The following BUD13 variants were observed in gnomAD, a reference collection of about 807,000 sequenced individuals.
BUD13 encodes the protein BUD13 homolog.
A neutral mutation model predicts 62.5 loss-of-function variants in BUD13; 47 were observed. The ratio of observed to expected loss-of-function variants is 0.75; its 90% CI spans 0.60 to 0.96. BUD13 has a LOEUF of 0.96. Among genes scored for constraint, BUD13 ranks in the 40% least tolerant of loss-of-function variants. The probability of loss-of-function intolerance (pLI) is 0.00; values close to 1 mark genes in which losing one functional copy is unlikely to be tolerated. For missense variants in BUD13, 821 were observed against 790.9 expected (o/e 1.04, Z -0.46); for synonymous variants, 293 against 280.1 (o/e 1.05, Z -0.46).
chr11:116,752,379 T>C (rs937252446), intron 9 of BUD13, among the ~76,000 whole-genome samples: 4 of 151,224 alleles, frequency 2.6e-5, no homozygotes, highest in East Asian at 3.9e-4. Context: ...TGATGAAAGA[T>C]GAATAACAAA....
chr11:116,766,196 T>C lies in BUD13; in HGVS notation c.238-750A>G, dbSNP rs2134182815. On this transcript the variant is annotated intron_variant, in intron 2 of 9. Transcript: ENST00000260210. Reference sequence around the variant, plus strand: ...TGATGTAAGTCCACATGACAAACTTTCAAGATTGCTGGCATAATAAATCCT... The same window carrying C: ...TGATGTAAGTCCACATGACAAACTTCCAAGATTGCTGGCATAATAAATCCT... Among the ~76,000 whole-genome samples the C allele has an allele frequency of 2.0e-5, 3 of 152,362 alleles. No individual in the cohort carries two copies. In the East Asian group the frequency reaches 5.8e-4, roughly 29 times the overall value.
Position 116,762,937 on chromosome 11 carries a change from C to T in BUD13, c.652G>A (p.Val218Ile). 6.2e-7 allele frequency: 1 copy of T among 1,614,054 alleles called. No individual in the cohort carries two copies. Among genetic ancestry groups the T allele is most frequent in the South Asian group, 1.1e-5 (1 of 91,072 alleles). Residue 218 changes from valine to isoleucine, a missense_variant, in exon 4 of 10, where the codon GTC becomes ATC. This residue lies in a region of BUD13 where 800 missense variants were observed against 739.2 expected (regional missense o/e 1.08). Coordinates refer to ENST00000260210, the MANE Select transcript of BUD13 (RefSeq NM_032725.4). ...HNSSGASPRR[V>I]RHDSPDPSPP... ...GAGGGATCTGGTGAATCATGACGGA[C>T]TCTCCTAGGAGATGCACCTGAAGAA...
At chr11:116,759,229 T>C (rs371360909) in intron 5 of BUD13, 50 bp from the exon 6 acceptor site, 38 of 1,324,560 alleles carry the variant, frequency 2.9e-5, no homozygotes, top group Non-Finnish European at 4.0e-5. Context: ...GATGTGACAG[T>C]AGGCTCCATG....
At chr11:116,748,714 A>G (rs921734707) in intron 9 of BUD13, 139 bp from the exon 10 acceptor site, 95 of 862,988 alleles carry the variant, frequency 1.1e-4, no homozygotes, top group Non-Finnish European at 1.6e-4. Flanking sequence ...ATGGCCGGGC[A>G]CGGCGGCTCA....
rs147057797 is a variant in BUD13, at chr11:116,763,797, A to G, written c.323-531T>C. Among the ~76,000 whole-genome samples, 517 of 152,356 alleles carry G rather than the reference A, an allele frequency of 3.4e-3. 3 individuals are homozygous for G. Among genetic ancestry groups the G allele is most frequent in the African/African-American group, 0.012 (493 of 41,582 alleles). On this transcript the variant is annotated intron_variant, in intron 3 of 9. Transcript: ENST00000260210. ...AGGTAAATTGACTAAAACGGTGAAT[A>G]TCAAAATAAAATGCTGTTAACTATT...
At chr11:116,766,893 T>G (rs540320428) in intron 2 of BUD13, among the ~76,000 whole-genome samples, 2 of 152,274 alleles carry the variant, frequency 1.3e-5, no homozygotes, top group South Asian at 4.1e-4. Flanking sequence ...AAGACAATAT[T>G]ATAAAAGAAA....
At chr11:116,772,017 A>G (rs943694322) in intron 1 of BUD13, among the ~76,000 whole-genome samples, 10 of 152,176 alleles carry the variant, frequency 6.6e-5, no homozygotes, top group Admixed American at 5.9e-4. Flanking sequence ...ATCCAATCCA[A>G]TCTCAGCCTT....
chr11:116,772,843 G>C lies in BUD13; in HGVS notation c.122C>G (p.Pro41Arg). 6.3e-7 allele frequency: 1 copy of C among 1,584,678 alleles called. No homozygotes were observed. The highest frequency in any genetic ancestry group is 1.7e-5 in the Admixed American group (1 of 57,996). The change falls in exon 1 of 10, where the codon CCT becomes CGT. Residue 41 changes from proline to arginine, a missense_variant. Physicochemically the swap from Pro to Arg is moderately radical, Grantham distance 103 (BLOSUM62 -2). Coordinates refer to ENST00000260210, the MANE Select transcript of BUD13 (RefSeq NM_032725.4). The part of the protein sequence containing the change: ...GRKRRKKRPK[P>R]GGAGGKGMRI... ...TCACCCCTTGCCGCCGGCCCCGCCA[G>C]GCTTCGGCCGCTTTTTGCGACGCTT...
At position 116,770,700 on chromosome 11, in the gene BUD13, TAGTC is replaced by T. The variant is rs560073843; in HGVS notation, c.144-482_144-479del. Among the ~76,000 whole-genome samples the T allele has an allele frequency of 5.7e-4, 87 of 152,302 alleles. 1 individual carries two copies. The South Asian group carries it at 6.8e-3, about 12-fold the overall frequency. On this transcript the variant is annotated intron_variant, in intron 1 of 9. Coordinates refer to ENST00000260210, the MANE Select transcript of BUD13 (RefSeq NM_032725.4). ...TAGTAGAGACGGGGTTTCACCGTGT[TAGTC>T]AGGATGGTCTCGATCTCCTGACCTC...
In BUD13 at chr11:116,758,312, T is replaced by C; in HGVS notation, c.1456A>G (p.Lys486Glu). The change falls in exon 7 of 10, where the codon AAG becomes GAG. Residue 486 changes from lysine (K) to glutamate (E), a missense_variant. By Grantham distance (56) the Lys-to-Glu change is moderately conservative (BLOSUM62 1). Transcript: ENST00000260210. ...ERLEQRRKAE[K>E]DSERDELYAQ... ...TACAGCTCATCTCTCTCTGAGTCCTTTTCTGCTTTCCTCCTTTGCTCTAAA... is the reference window on the plus strand; with the variant it reads ...TACAGCTCATCTCTCTCTGAGTCCTCTTCTGCTTTCCTCCTTTGCTCTAAA... The C allele has an allele frequency of 6.2e-7, 1 of 1,614,226 alleles. No homozygotes were observed.
At chr11:116,757,249 A>G (rs1201336237) in intron 8 of BUD13, 22 bp from the exon 9 acceptor site, 2 of 1,599,142 alleles carry the variant, frequency 1.3e-6, no homozygotes, top group Non-Finnish European at 1.7e-6. Flanking sequence ...AGTAAGAAAA[A>G]AGTATTCAGT....
chr11:116,767,139 G>C (rs1388402943), intron 2 of BUD13, among the ~76,000 whole-genome samples: 2 of 151,432 alleles, frequency 1.3e-5, no homozygotes, highest in African/African-American at 2.4e-5. Context: ...AGTGAGCCAA[G>C]ATTGAGCCAC....
At chr11:116,767,591 A>AAAAAAAAAAAAAAAAAAAAAC (rs1940553940) in intron 2 of BUD13, among the ~76,000 whole-genome samples, 2 of 26,906 alleles carry the variant, frequency 7.4e-5, no homozygotes, top group African/African-American at 3.9e-4. Context: ...AGACTCCACC[A>AAAAAAAAAAAAAAAAAAAAAC]AAAAAAAAAA....
chr11:116,770,487 C>A (rs1940607018), intron 1 of BUD13, among the ~76,000 whole-genome samples: 1 of 151,580 alleles, frequency 6.6e-6, no homozygotes. Flanking sequence ...CTACTCTTTT[C>A]AATCTTTTTC....
At position 116,757,839 on chromosome 11, in the gene BUD13, T is replaced by C. The variant is rs2134175267; in HGVS notation, c.1611A>G (p.Glu537=). The C allele has an allele frequency of 6.2e-7, 1 of 1,614,172 alleles. No homozygotes were observed. The highest frequency in any genetic ancestry group is 8.5e-7 in the Non-Finnish European group (1 of 1,180,024). ...CCATAGGGTCCCCCTCTCTTTCCTG[T>C]TCTCTTAGCATCCTATCCAGATCTT... ...DDEDLDRMLR[E]QEREGDPMAN... Residue 537 remains glutamate, a synonymous_variant, in exon 8 of 10, where the codon GAA becomes GAG. Coordinates refer to ENST00000260210, the MANE Select transcript of BUD13 (RefSeq NM_032725.4).
chr11:116,762,505 A>C, intron 4 of BUD13, 48 bp downstream of exon 4: 1 of 1,434,752 alleles, frequency 7.0e-7, no homozygotes, highest in East Asian at 2.3e-5. Flanking sequence ...GCCAAAAGAA[A>C]GCTCCCAGGG....
intron 9 of BUD13, among the ~76,000 whole-genome samples, chr11:116,750,677 T>C (rs1940217007): frequency 6.6e-6 from 1 of 152,234 alleles, no homozygotes; most frequent in Admixed American, 6.5e-5. Flanking sequence ...AAAAGCCTTG[T>C]ATCTGTTCTA....
intron 5 of BUD13, among the ~76,000 whole-genome samples, chr11:116,759,650 A>T (rs954768732): frequency 6.6e-6 from 1 of 152,272 alleles, no homozygotes; most frequent in Non-Finnish European, 1.5e-5. Flanking sequence ...TCCACTTAGC[A>T]TCAAGATAGC....
At chr11:116,754,644 T>TG (rs1940294565) in intron 9 of BUD13, among the ~76,000 whole-genome samples, 1 of 152,194 alleles carries the variant, frequency 6.6e-6, no homozygotes, top group African/African-American at 2.4e-5. Context: ...AATAAATGTG[T>TG]TGTAAAAACT....
Sources: allele counts gnomAD v4.1 joint callset (sites outside exome capture counted in the v4.1 genomes callset), GRCh38; gene constraint gnomAD v4.1.1; regional missense constraint gnomAD v4.1.1; transcripts MANE v1.5; gene names NCBI Gene and HGNC (gene_info 2026-07-23, HGNC 2026-07-21).